Variants in VPS13B observed in about 807,000 individuals in gnomAD.
VPS13B encodes intermembrane lipid transfer protein VPS13B.
Under a neutral mutation model 426.4 loss-of-function variants are expected in VPS13B, and 285 were observed. The observed-to-expected ratio is 0.67, with a 90% CI of 0.61 to 0.74. The LOEUF is 0.74. VPS13B is among the 30% of genes least tolerant of loss of function. The pLI, the probability that VPS13B is intolerant of heterozygous loss-of-function variation, is 0.00. For missense variants in VPS13B, 4,537 were observed against 4,782.6 expected (o/e 0.95, Z 1.51); for synonymous variants, 1,676 against 1,676.4 (o/e 1.00, Z 0.01).
chr8:99,474,988 A>G (rs917192491), intron 24 of VPS13B, among the ~76,000 whole-genome samples: 2 of 152,202 alleles, frequency 1.3e-5, no homozygotes, highest in Non-Finnish European at 2.9e-5. Flanking sequence ...GCCTACTCAT[A>G]CCAAGGTAAT....
chr8:99,083,368 G>C (rs1285570881), intron 3 of VPS13B, among the ~76,000 whole-genome samples: 3 of 152,124 alleles, frequency 2.0e-5, no homozygotes, highest in Non-Finnish European at 4.4e-5. Flanking sequence ...TGAGACGATG[G>C]GGTTTTCTAG....
At chr8:99,652,889 A>G (rs1829877902) in intron 34 of VPS13B, among the ~76,000 whole-genome samples, 1 of 152,192 alleles carries the variant, frequency 6.6e-6, no homozygotes, top group Non-Finnish European at 1.5e-5. Flanking sequence ...TTAGCAAGAA[A>G]GTAGATCTCT....
intron 34 of VPS13B, among the ~76,000 whole-genome samples, chr8:99,658,781 G>A (rs985491470): frequency 6.6e-6 from 1 of 151,888 alleles, no homozygotes; most frequent in Non-Finnish European, 1.5e-5. Flanking sequence ...AGGCATTATC[G>A]GGTGTTGTTT....
chr8:99,067,118 T>A (rs1844565363), intron 3 of VPS13B, among the ~76,000 whole-genome samples: 1 of 152,194 alleles, frequency 6.6e-6, no homozygotes, highest in Admixed American at 6.5e-5. Flanking sequence ...GGAAATACCA[T>A]TTGACCCAGC....
At chr8:99,154,445 TGTCTG>T (rs1490950700) in intron 14 of VPS13B, among the ~76,000 whole-genome samples, 3 of 152,208 alleles carry the variant, frequency 2.0e-5, no homozygotes, top group African/African-American at 7.2e-5. Context: ...TTGTTAGCCA[TGTCTG>T]GTCTTCCAGT....
At chr8:99,696,394 G>A (rs1832003519) in intron 35 of VPS13B, 2 of 322,094 alleles carry the variant, frequency 6.2e-6, no homozygotes, top group South Asian at 2.9e-5. Flanking sequence ...TGCCAAGATC[G>A]TGGTGCTCAT....
At chr8:99,623,816 T>C (rs1352662045) in intron 33 of VPS13B, among the ~76,000 whole-genome samples, 2 of 151,536 alleles carry the variant, frequency 1.3e-5, no homozygotes, top group Non-Finnish European at 2.9e-5. Flanking sequence ...TTTGCCAGCA[T>C]TGCTTATATA....
chr8:99,590,160 A>C (rs750707629), intron 33 of VPS13B, among the ~76,000 whole-genome samples: 1 of 151,972 alleles, frequency 6.6e-6, no homozygotes, highest in South Asian at 2.1e-4. Context: ...GGTGGTTTCT[A>C]TTTCTGTGGG....
Position 99,778,675 on chromosome 8 carries a change from T to G in VPS13B, c.7430-7T>G. 6.2e-7 allele frequency: 1 copy of G among 1,613,128 alleles called. No homozygotes were observed. The highest frequency in any genetic ancestry group is 8.5e-7 in the Non-Finnish European group (1 of 1,179,190). ...ATTGCTGTTTTCCTTGTTTGTTTTC[T>G]CAACAGCTGCACCACAGTACCTACA... On this transcript the variant is annotated splice_polypyrimidine_tract_variant and splice_region_variant and intron_variant, in intron 41 of 61. Coordinates refer to ENST00000357162, the MANE Select transcript of VPS13B (RefSeq NM_152564.5).
intron 21 of VPS13B, among the ~76,000 whole-genome samples, chr8:99,399,387 C>T (rs542603056): frequency 1.3e-5 from 2 of 152,126 alleles, no homozygotes; most frequent in East Asian, 1.9e-4. Flanking sequence ...TATAATTAGA[C>T]AATATTTCTA....
chr8:99,792,654 A>G (rs1563919443), intron 43 of VPS13B, among the ~76,000 whole-genome samples: 1 of 152,136 alleles, frequency 6.6e-6, no homozygotes, highest in Non-Finnish European at 1.5e-5. Context: ...CCAGGCAGTA[A>G]GAAGTTAAGG....
At chr8:99,660,572 C>T (rs1830183535) in intron 34 of VPS13B, among the ~76,000 whole-genome samples, 1 of 151,872 alleles carries the variant, frequency 6.6e-6, no homozygotes, top group Non-Finnish European at 1.5e-5. Context: ...CACTGTATGC[C>T]AAGATACAGC....
intron 39 of VPS13B, among the ~76,000 whole-genome samples, chr8:99,739,009 C>G (rs554279356): frequency 1.3e-5 from 2 of 152,302 alleles, no homozygotes; most frequent in South Asian, 4.1e-4. Flanking sequence ...TGAGCCTGAG[C>G]CAAAGCAGGG....
chr8:99,036,530 T>A (rs138233686), intron 2 of VPS13B, among the ~76,000 whole-genome samples: 24 of 152,296 alleles, frequency 1.6e-4, no homozygotes, highest in African/African-American at 5.3e-4. Context: ...TTCCTTCCTC[T>A]GTGATTTTGA....
intron 58 of VPS13B, among the ~76,000 whole-genome samples, chr8:99,866,524 C>T (rs1431250058): frequency 2.6e-5 from 4 of 152,258 alleles, no homozygotes; most frequent in Non-Finnish European, 4.4e-5. Flanking sequence ...AGGCTTTCCA[C>T]TTTTGGGGGG....
chr8:99,582,402 G>A (rs551795749), intron 33 of VPS13B, among the ~76,000 whole-genome samples: 2 of 152,064 alleles, frequency 1.3e-5, no homozygotes, highest in South Asian at 4.2e-4. Flanking sequence ...AACCTGAATG[G>A]CCTATCATAT....
At chr8:99,427,138 C>G (rs1457822128) in intron 21 of VPS13B, among the ~76,000 whole-genome samples, 2 of 44,996 alleles carry the variant, frequency 4.4e-5, no homozygotes, top group Non-Finnish European at 8.7e-5. Flanking sequence ...ATATGGCTAG[C>G]CAGTTTTCCC....
At position 99,860,359 on chromosome 8, in the gene VPS13B, A is replaced by G. The variant is rs549854726; in HGVS notation, c.11044+879A>G. Among the ~76,000 whole-genome samples the G allele has an allele frequency of 9.9e-5, 15 of 152,262 alleles. 1 individual carries two copies. The South Asian group carries it at 1.9e-3, about 19-fold the overall frequency. ...GAAAAGGACACTCCCCCAGGCCTCAAATCATCTGGGAGGACTGGGGGCTGA... is the reference window on the plus strand; with the variant it reads ...GAAAAGGACACTCCCCCAGGCCTCAGATCATCTGGGAGGACTGGGGGCTGA... On this transcript the variant is annotated intron_variant, in intron 57 of 61. Coordinates refer to ENST00000357162, the MANE Select transcript of VPS13B (RefSeq NM_152564.5).
intron 22 of VPS13B, among the ~76,000 whole-genome samples, chr8:99,439,447 A>G (rs542393743): frequency 6.6e-6 from 1 of 152,228 alleles, no homozygotes; most frequent in African/African-American, 2.4e-5. Flanking sequence ...AGGTCAGTTC[A>G]TGATAGATAT....
Sources: allele counts gnomAD v4.1 joint callset (sites outside exome capture counted in the v4.1 genomes callset), GRCh38; gene constraint gnomAD v4.1.1; transcripts MANE v1.5; gene names NCBI Gene and HGNC (gene_info 2026-07-23, HGNC 2026-07-21).